Variants in MARCHF1 observed in about 807,000 individuals in gnomAD.
MARCHF1 encodes membrane associated ring-CH-type finger 1.
A neutral mutation model predicts 54.2 loss-of-function variants in MARCHF1; 40 were observed. The observed-to-expected ratio is 0.74, with a 90% confidence interval of 0.57 to 0.96. MARCHF1 has a LOEUF of 0.96. MARCHF1 is among the 40% of genes least tolerant of loss of function. MARCHF1 has a pLI of 0.00. For synonymous variants in MARCHF1, 236 were observed against 236.3 expected (o/e 1.00, Z 0.01); for missense variants, 586 against 656.5 (o/e 0.89, Z 1.17).
intron 3 of MARCHF1, among the ~76,000 whole-genome samples, chr4:163,913,790 C>A (rs1751247087): frequency 6.6e-6 from 1 of 152,136 alleles, no homozygotes; most frequent in Admixed American, 6.6e-5. Context: ...TTCCTACTGT[C>A]ACCAATTGTA....
At chr4:164,034,290 A>T (rs1313319629) in intron 2 of MARCHF1, among the ~76,000 whole-genome samples, 1 of 152,116 alleles carries the variant, frequency 6.6e-6, no homozygotes, top group Non-Finnish European at 1.5e-5. Flanking sequence ...ATGAAAACAC[A>T]TGGACACAGG....
intron 5 of MARCHF1, among the ~76,000 whole-genome samples, chr4:163,643,487 G>A (rs1742638972): frequency 6.6e-6 from 1 of 152,034 alleles, no homozygotes; most frequent in Non-Finnish European, 1.5e-5. Flanking sequence ...AGCAGCTGAG[G>A]TTATAGACAT....
chr4:163,843,272 G>A (rs1749392756), intron 4 of MARCHF1, among the ~76,000 whole-genome samples: 1 of 152,090 alleles, frequency 6.6e-6, no homozygotes, highest in East Asian at 1.9e-4. Flanking sequence ...CCATTGATGG[G>A]TATCTAGGTT....
intron 5 of MARCHF1, among the ~76,000 whole-genome samples, chr4:163,665,163 T>G (rs1398305904): frequency 6.6e-6 from 1 of 152,096 alleles, no homozygotes; most frequent in Admixed American, 6.6e-5. Context: ...TAAGGCAAAT[T>G]GATTCTGTCT....
intron 2 of MARCHF1, among the ~76,000 whole-genome samples, chr4:164,092,028 T>A (rs1017766325): frequency 6.6e-6 from 1 of 152,108 alleles, no homozygotes; most frequent in African/African-American, 2.4e-5. Flanking sequence ...AAAGTCATCA[T>A]GTTGGTGAGG....
chr4:163,710,545 T>G (rs1338107529), intron 4 of MARCHF1, among the ~76,000 whole-genome samples: 1 of 152,154 alleles, frequency 6.6e-6, no homozygotes, highest in African/African-American at 2.4e-5. Flanking sequence ...TCTACACACT[T>G]ATAAAAGACT....
intron 4 of MARCHF1, among the ~76,000 whole-genome samples, chr4:163,709,458 T>C (rs1272543622): frequency 6.6e-6 from 1 of 152,148 alleles, no homozygotes; most frequent in Non-Finnish European, 1.5e-5. Flanking sequence ...TTACTTGTTT[T>C]TTATAATCTT....
chr4:163,745,103 TTTTC>T lies in MARCHF1; in HGVS notation c.112-44244_112-44241del, dbSNP rs369122256. ...GAAGTGTTGCATGCTCGTTTTTTCT[TTTTC>T]TTTCTTTCTTTTTTTTTTTTTTTGA... is the stretch of plus-strand genomic sequence containing the variant. On this transcript the variant is annotated intron_variant, in intron 4 of 9. Transcript: ENST00000514618. Among the ~76,000 whole-genome samples, 641 of 151,512 alleles carry T rather than the reference TTTTC, an allele frequency of 4.2e-3. 4 individuals carry two copies. Among genetic ancestry groups the T allele is most frequent in the African/African-American group, 0.013 (553 of 41,324 alleles).
intron 1 of MARCHF1, among the ~76,000 whole-genome samples, chr4:164,337,484 T>C (rs1403835915): frequency 6.6e-6 from 1 of 152,146 alleles, no homozygotes; most frequent in Non-Finnish European, 1.5e-5. Context: ...AGAGATCCAT[T>C]ATCTTTCTCA....
At chr4:163,936,493 A>G (rs1751798327) in intron 3 of MARCHF1, among the ~76,000 whole-genome samples, 1 of 152,180 alleles carries the variant, frequency 6.6e-6, no homozygotes, top group South Asian at 2.1e-4. Flanking sequence ...TAATTCTTGT[A>G]CCTGAGAAAT....
At chr4:164,289,565 C>T (rs1272192163) in intron 1 of MARCHF1, among the ~76,000 whole-genome samples, 4 of 139,636 alleles carry the variant, frequency 2.9e-5, no homozygotes, top group Admixed American at 7.7e-5. Flanking sequence ...AGTGAATGAG[C>T]TGCTAGAAAT....
intron 4 of MARCHF1, among the ~76,000 whole-genome samples, chr4:163,828,570 A>G (rs1173722827): frequency 1.3e-5 from 2 of 152,186 alleles, no homozygotes; most frequent in African/African-American, 4.8e-5. Context: ...TACTGATACC[A>G]AAAAAGGAAA....
chr4:164,124,753 G>A (rs1268703819), intron 1 of MARCHF1, among the ~76,000 whole-genome samples: 3 of 152,108 alleles, frequency 2.0e-5, no homozygotes, highest in Non-Finnish European at 4.4e-5. Context: ...GACACAGAGA[G>A]TAGAAGGATT....
At chr4:164,168,086 T>G (rs187633591) in intron 1 of MARCHF1, among the ~76,000 whole-genome samples, 1 of 151,782 alleles carries the variant, frequency 6.6e-6, no homozygotes, top group African/African-American at 2.4e-5. Flanking sequence ...AAAACCAAAC[T>G]GATTGAAAAA....
chr4:163,653,428 T>C (rs955393541), intron 5 of MARCHF1, among the ~76,000 whole-genome samples: 1 of 151,766 alleles, frequency 6.6e-6, no homozygotes, highest in African/African-American at 2.4e-5. Flanking sequence ...GGATTTATAT[T>C]TGAAAATTTT....
intron 4 of MARCHF1, among the ~76,000 whole-genome samples, chr4:163,830,786 A>T (rs900000644): frequency 2.6e-5 from 4 of 152,134 alleles, no homozygotes; most frequent in African/African-American, 7.2e-5. Flanking sequence ...AAAAATTTTT[A>T]AAAATAAAAT....
chr4:164,372,292 T>G (rs1466533749), intron 1 of MARCHF1, among the ~76,000 whole-genome samples: 1 of 152,178 alleles, frequency 6.6e-6, no homozygotes, highest in Non-Finnish European at 1.5e-5. Context: ...AGAAGTGAAT[T>G]GCTGATCGCC....
rs1295274016 is a variant in MARCHF1 at position 163,854,055 on chromosome 4, CCT to C, written c.75_76del (p.Asp27PhefsTer3). On this transcript the variant is annotated frameshift_variant, in exon 4 of 10. Transcript: ENST00000514618. LOFTEE classifies it high-confidence loss of function. Reference sequence around the variant, plus strand: ...GGTTTGTGAGGCGTCAGCCAAATCCCCTGAGATCTCGGGTGTTCGCGTGTTGT... The same window carrying C: ...GGTTTGTGAGGCGTCAGCCAAATCCCGAGATCTCGGGTGTTCGCGTGTTGT... The C allele has an allele frequency of 5.9e-6, 9 of 1,536,774 alleles. No homozygotes were observed. The highest frequency in any genetic ancestry group is 7.8e-6 in the Non-Finnish European group (9 of 1,146,690).
intron 2 of MARCHF1, among the ~76,000 whole-genome samples, chr4:164,083,583 AT>A (rs1262107799): frequency 1.3e-5 from 2 of 152,072 alleles, no homozygotes; most frequent in African/African-American, 4.8e-5. Context: ...AGCTGGAAAG[AT>A]TTTTCCAAAA....
Sources: gnomAD v4.1 joint callset for allele counts (sites outside exome capture counted in the v4.1 genomes callset) on GRCh38, gnomAD v4.1.1 for gene constraint, MANE v1.5 for transcripts, NCBI Gene and HGNC (gene_info 2026-07-23, HGNC 2026-07-21) for gene names.